COX18: variants seen among roughly 807,000 people sequenced by gnomAD.
The protein encoded by COX18 is cytochrome c oxidase assembly factor COX18, also known as cytochrome c oxidase assembly protein COX18, mitochondrial.
Under a neutral mutation model 38.0 loss-of-function variants are expected in COX18, and 45 were observed. The ratio of observed to expected loss-of-function variants is 1.18; its 90% confidence interval spans 0.93 to 1.52. COX18 has a LOEUF of 1.52. COX18 is among the 40% of genes most tolerant of loss of function. COX18 has a pLI of 0.00. For synonymous variants in COX18, 177 were observed against 169.8 expected (o/e 1.04, Z -0.33); for missense variants, 462 against 423.8 (o/e 1.09, Z -0.79).
At chr4:73,065,226 T>G (rs200346784) in intron 3 of COX18, 24 bp downstream of exon 3, 158 of 1,566,542 alleles carry the variant, frequency 1.0e-4, no homozygotes, top group Non-Finnish European at 1.3e-4. Flanking sequence ...AGAACTTCTT[T>G]GGGAGAAGAC....
rs1719836827 is a variant in COX18, at chr4:73,055,063, A to T, written c.*3051T>A. On this transcript the variant is annotated 3_prime_UTR_variant, in exon 6 of 6. Coordinates refer to ENST00000507544, the MANE Select transcript of COX18 (RefSeq NM_001297732.2). ...GACTGATTTCCCTCATGCCATTATGAGAAAAATATCTGAGTGTACTCACTC... is the reference window on the plus strand; with the variant it reads ...GACTGATTTCCCTCATGCCATTATGTGAAAAATATCTGAGTGTACTCACTC... The T allele has an allele frequency of 6.6e-6, 1 of 152,272 alleles. No individual in the cohort carries two copies. Among genetic ancestry groups the T allele is most frequent in the Non-Finnish European group, 1.5e-5 (1 of 68,048 alleles). 9.4% of individuals were successfully genotyped at this position (152,272 alleles called of 1,614,324 possible).
Position 73,064,914 on chromosome 4 carries a change from T to C in COX18, c.599-12A>G. On this transcript the variant is annotated splice_polypyrimidine_tract_variant and intron_variant, in intron 3 of 5. Coordinates refer to ENST00000507544, the MANE Select transcript of COX18 (RefSeq NM_001297732.2). ...AACAGAAAAACCTGCTAAAACAGTTTTATAAATAAAACAATAGAAGTCCTA... is the reference window on the plus strand; with the variant it reads ...AACAGAAAAACCTGCTAAAACAGTTCTATAAATAAAACAATAGAAGTCCTA... The C allele has an allele frequency of 6.2e-7, 1 of 1,611,876 alleles. No individual in the cohort carries two copies. The highest frequency in any genetic ancestry group is 8.5e-7 in the Non-Finnish European group (1 of 1,178,920).
Position 73,058,381 on chromosome 4 carries a change from C to G in COX18, c.832-94G>C, listed in dbSNP as rs539848618. ...AATAAAATGACAATCTTTGTAAATACAAGTATGCCAAGACTAAGCAAGACT... is the reference window on the plus strand; with the variant it reads ...AATAAAATGACAATCTTTGTAAATAGAAGTATGCCAAGACTAAGCAAGACT... On this transcript the variant is annotated intron_variant, in intron 5 of 5. Transcript: ENST00000507544. 7.6e-4 allele frequency: 673 copies of G among 884,798 alleles called. 2 individuals carry two copies. Among genetic ancestry groups the G allele is most frequent in the Non-Finnish European group, 1.1e-3 (621 of 589,230 alleles). 54.8% of individuals were successfully genotyped at this position (884,798 alleles called of 1,614,324 possible). A position where few individuals can be genotyped will look rare whatever the true frequency, so the allele number is the denominator to read the frequency against.
At position 73,069,681 on chromosome 4, in the gene COX18, C is replaced by A. The variant is rs752231626; in HGVS notation, c.-32G>T. ...ACCACGGCGGAGCCCAGATCCCGGG[C>A]CTCACAATCCAGCGGACATACACCG... On this transcript the variant is annotated 5_prime_UTR_variant, in exon 1 of 6. Transcript: ENST00000507544. The A allele has an allele frequency of 5.2e-6, 8 of 1,532,986 alleles. No individual in the cohort carries two copies. In the Middle Eastern group the frequency reaches 6.7e-4, roughly 128 times the overall value. The allele number at this position is 1,532,986 out of a possible 1,614,324, so 95.0% of individuals were successfully genotyped here.
intron 2 of COX18, 79 bp downstream of exon 2, chr4:73,067,950 A>T: frequency 1.4e-6 from 1 of 691,118 alleles, no homozygotes; most frequent in Non-Finnish European, 2.1e-6. Flanking sequence ...ATCACAATTT[A>T]TGTATGTGTG....
At position 73,065,257 on chromosome 4, in the gene COX18, A is replaced by G. The variant is rs1030174284; in HGVS notation, c.591T>C (p.His197=). The G allele has an allele frequency of 5.0e-6, 8 of 1,611,486 alleles. No homozygotes were observed. The highest frequency in any genetic ancestry group is 6.8e-6 in the Non-Finnish European group (8 of 1,179,204). Reference sequence around the variant, plus strand: ...AAGACATACAATAATTACCTTCTGAATGTGCTGCCCCCGTGCTTAAATTCC... The same window carrying G: ...AAGACATACAATAATTACCTTCTGAGTGTGCTGCCCCCGTGCTTAAATTCC... ...ALRNLSTGAA[H]SEAGFSVQEQ... is the part of the protein sequence containing the mutation. The change falls in exon 3 of 6, where the codon CAT becomes CAC. Residue 197 remains histidine (H), a synonymous_variant. Transcript: ENST00000507544.
chr4:73,067,990 A>C, intron 2 of COX18, 39 bp downstream of exon 2: 8 of 790,618 alleles, frequency 1.0e-5, no homozygotes, highest in Non-Finnish European at 1.4e-5. Context: ...GTGTGTGTGT[A>C]TGTGTGCGTA....
At chr4:73,066,713 T>A (rs1720463644) in intron 2 of COX18, among the ~76,000 whole-genome samples, 1 of 152,202 alleles carries the variant, frequency 6.6e-6, no homozygotes, top group Non-Finnish European at 1.5e-5. Flanking sequence ...CTGGTTCTTT[T>A]GGCCTATGGC....
rs1003444546 is a variant in COX18, at chr4:73,069,501, T to A, written c.149A>T (p.His50Leu). ...CAGGGCCTCGTACCAGCCGTTCGCA[T>A]GTACTGCAGAGACTGGTGCCACTGC... ...VWAVAPVSAV[H>L]ANGWYEALAA... Residue 50 changes from histidine to leucine, a missense_variant, in exon 1 of 6, where the codon CAT (histidine) becomes CTT (leucine). Physicochemically the swap from His to Leu is moderately conservative, Grantham distance 99 (BLOSUM62 -3). Transcript: ENST00000507544. 6.3e-7 allele frequency: 1 copy of A among 1,592,230 alleles called. No homozygotes were observed. The highest frequency in any genetic ancestry group is 1.3e-5 in the African/African-American group (1 of 74,778).
At chr4:73,063,609 G>C (rs1392794257) in intron 4 of COX18, among the ~76,000 whole-genome samples, 1 of 152,182 alleles carries the variant, frequency 6.6e-6, no homozygotes, top group Non-Finnish European at 1.5e-5. Flanking sequence ...CTAGGGGATT[G>C]ACATTGATTC....
intron 5 of COX18, among the ~76,000 whole-genome samples, chr4:73,059,827 C>CT (rs1339150408): frequency 1.3e-5 from 2 of 151,980 alleles, no homozygotes; most frequent in Non-Finnish European, 2.9e-5. Context: ...CTACAGCAGT[C>CT]TATAAGTTGC....
chr4:73,067,878 TATATATAA>T (rs1411495377), intron 2 of COX18, 143 bp downstream of exon 2: 3 of 116,944 alleles, frequency 2.6e-5, no homozygotes, highest in African/African-American at 7.5e-5. Context: ...TATATATATA[TATATATAA>T]AAAAAGAAAT....
Position 73,068,032 on chromosome 4 carries a change from G to A in COX18, c.431C>T (p.Ala144Val). The A allele has an allele frequency of 6.2e-7, 1 of 1,601,648 alleles. No individual in the cohort carries two copies. Among genetic ancestry groups the A allele is most frequent in the Admixed American group, 1.7e-5 (1 of 59,456 alleles). ...ANQLGWSKRD[A>V]RLTYLKNMRR... ...TACGTGGATATAATTAGCTTACCTG[G>A]CATCTCTTTTGGACCACCCCAACTG... is the stretch of plus-strand genomic sequence containing the variant. Residue 144 changes from alanine to valine, a missense_variant, in exon 2 of 6, where the codon GCC (alanine) becomes GTC (valine). Ala to Val is a moderately conservative substitution (Grantham distance 64, BLOSUM62 0). Coordinates refer to ENST00000507544, the MANE Select transcript of COX18 (RefSeq NM_001297732.2).
intron 5 of COX18, among the ~76,000 whole-genome samples, chr4:73,058,697 T>C (rs943736473): frequency 2.0e-5 from 3 of 152,166 alleles, no homozygotes; most frequent in African/African-American, 7.2e-5. Context: ...ATTTTCCCCA[T>C]ACAGTCATCT....
intron 2 of COX18, among the ~76,000 whole-genome samples, 165 bp downstream of exon 2, chr4:73,067,864 A>AAATAT: frequency 1.2e-3 from 25 of 20,028 alleles, no homozygotes; most frequent in African/African-American, 1.9e-3. Context: ...AAAAAAAAAA[A>AAATAT]ATATATATAT....
In COX18 at chr4:73,054,227, T is replaced by C. The variant is rs1719814597; in HGVS notation, c.*3887A>G. Reference sequence around the variant, plus strand: ...CAGACAGCAAGACATCAAGGGGTCTTAAGAGCATGCATATTCCCTGTTCTG... The same window carrying C: ...CAGACAGCAAGACATCAAGGGGTCTCAAGAGCATGCATATTCCCTGTTCTG... On this transcript the variant is annotated 3_prime_UTR_variant, in exon 6 of 6. Coordinates refer to ENST00000507544, the MANE Select transcript of COX18 (RefSeq NM_001297732.2). 6.6e-6 allele frequency: 1 copy of C among 152,280 alleles called. No individual in the cohort carries two copies. Among genetic ancestry groups the C allele is most frequent in the Admixed American group, 6.5e-5 (1 of 15,288 alleles). 9.4% of individuals were successfully genotyped at this position (152,280 alleles called of 1,614,324 possible). A position where few individuals can be genotyped will look rare whatever the true frequency, so the allele number is the denominator to read the frequency against.
At chr4:73,069,719 T>C, upstream of COX18, 1 of 1,430,996 alleles carries the variant, frequency 7.0e-7, no homozygotes. Context: ...CAGCCAAGGC[T>C]GATACGCGCA....
At position 73,064,997 on chromosome 4, in the gene COX18, G is replaced by T. The variant is rs564760579; in HGVS notation, c.599-95C>A. ...TAAGTAGTCTGACAATTCCAATAAG[G>T]TGTCCCTCACAGGAAAGATCTGCAC... On this transcript the variant is annotated intron_variant, in intron 3 of 5. Coordinates refer to ENST00000507544, the MANE Select transcript of COX18 (RefSeq NM_001297732.2). 2.2e-5 allele frequency: 28 copies of T among 1,248,846 alleles called. No homozygotes were observed. In the Admixed American group the frequency reaches 4.7e-4, roughly 21 times the overall value. 77.4% of individuals were successfully genotyped at this position (1,248,846 alleles called of 1,614,324 possible).
chr4:73,052,823 T>C lies in COX18; in HGVS notation c.*5291A>G, dbSNP rs764513174. 1 of 152,106 alleles carries C rather than the reference T, an allele frequency of 6.6e-6. No homozygotes were observed. Among genetic ancestry groups the C allele is most frequent in the Non-Finnish European group, 1.5e-5 (1 of 68,026 alleles). 9.4% of individuals were successfully genotyped at this position (152,106 alleles called of 1,614,324 possible). A position where few individuals can be genotyped will look rare whatever the true frequency, so the allele number is the denominator to read the frequency against. ...AGTCTGCATTCTGTAGTAGCTGCAG[T>C]TAACACCCCAGAGGAAAAAATAAAC... is the stretch of plus-strand genomic sequence containing the variant. On this transcript the variant is annotated 3_prime_UTR_variant, in exon 6 of 6. Coordinates refer to ENST00000507544, the MANE Select transcript of COX18 (RefSeq NM_001297732.2).
Sources: allele counts gnomAD v4.1 joint callset (sites outside exome capture counted in the v4.1 genomes callset), GRCh38; gene constraint gnomAD v4.1.1; transcripts MANE v1.5; gene names NCBI Gene and HGNC (gene_info 2026-07-23, HGNC 2026-07-21).